The following ANKFN1 variants were observed in gnomAD, a reference collection of about 807,000 sequenced individuals.
The protein encoded by ANKFN1 is ankyrin repeat and fibronectin type-III domain-containing protein 1.
A neutral mutation model predicts 108.7 loss-of-function variants in ANKFN1; 74 were observed. The ratio of observed to expected loss-of-function variants is 0.68; its 90% CI spans 0.56 to 0.83. ANKFN1 has a LOEUF of 0.83. Among genes scored for constraint, ANKFN1 ranks in the 40% least tolerant of loss-of-function variants. The probability of loss-of-function intolerance (pLI) is 0.00; values close to 1 mark genes in which losing one functional copy is unlikely to be tolerated. For synonymous variants in ANKFN1, 547 were observed against 516.2 expected, an observed-to-expected ratio of 1.06 and a Z score of -0.81; for missense variants, 1,505 against 1,382.3, an observed-to-expected ratio of 1.09 and a Z score of -1.41.
chr17:56,314,644 G>A (rs551878899), intron 3 of ANKFN1, among the ~76,000 whole-genome samples: 1 of 152,256 alleles, frequency 6.6e-6, no homozygotes, highest in African/African-American at 2.4e-5. Flanking sequence ...AGTGGCCAAA[G>A]ACTGCAAAGA....
intron 8 of ANKFN1, among the ~76,000 whole-genome samples, chr17:56,384,726 C>T (rs1185737541): frequency 1.3e-5 from 2 of 152,066 alleles, no homozygotes; most frequent in African/African-American, 4.8e-5. Context: ...ACAATTGCTT[C>T]AAAGAGAATA....
At chr17:56,409,570 A>G (rs953014689) in intron 8 of ANKFN1, among the ~76,000 whole-genome samples, 4 of 152,178 alleles carry the variant, frequency 2.6e-5, no homozygotes, top group Admixed American at 1.3e-4. Flanking sequence ...TAAAGCCATC[A>G]AAATTAATCC....
chr17:56,305,271 C>T (rs551009558), intron 3 of ANKFN1, among the ~76,000 whole-genome samples: 67 of 152,336 alleles, frequency 4.4e-4, no homozygotes, highest in African/African-American at 1.6e-3. Context: ...TCCCATGACA[C>T]ATGGTGATTA....
chr17:56,290,408 A>G (rs1297808909), intron 3 of ANKFN1, among the ~76,000 whole-genome samples: 2 of 152,228 alleles, frequency 1.3e-5, no homozygotes, highest in Non-Finnish European at 2.9e-5. Context: ...ATAGAATTGT[A>G]AGGGTTCTTA....
At chr17:56,282,346 C>A (rs1446939194) in intron 3 of ANKFN1, among the ~76,000 whole-genome samples, 1 of 151,472 alleles carries the variant, frequency 6.6e-6, no homozygotes, top group Non-Finnish European at 1.5e-5. Context: ...ATAGACTAGA[C>A]CTCTCTGGGG....
intron 3 of ANKFN1, among the ~76,000 whole-genome samples, chr17:56,243,769 G>A (rs759274668): frequency 1.3e-5 from 2 of 151,926 alleles, no homozygotes; most frequent in Non-Finnish European, 2.9e-5. Flanking sequence ...ATGTATACAC[G>A]CACACATACA....
intron 3 of ANKFN1, among the ~76,000 whole-genome samples, chr17:56,264,611 G>A (rs566310307): frequency 3.3e-5 from 5 of 152,188 alleles, no homozygotes; most frequent in Admixed American, 2.0e-4. Context: ...CAGGAATAAC[G>A]AATAACAAGA....
At chr17:56,248,284 C>T (rs2043161171) in intron 3 of ANKFN1, among the ~76,000 whole-genome samples, 1 of 152,158 alleles carries the variant, frequency 6.6e-6, no homozygotes, top group Admixed American at 6.5e-5. Flanking sequence ...AGCCTTGGTG[C>T]ATGCACCTGC....
intron 6 of ANKFN1, among the ~76,000 whole-genome samples, chr17:56,371,692 A>C (rs139082962): frequency 6.6e-6 from 1 of 152,150 alleles, no homozygotes; most frequent in Non-Finnish European, 1.5e-5. Flanking sequence ...GGGGCTCTGA[A>C]GTGACCAAGT....
At chr17:56,160,785 GA>G (rs1391257045) in intron 1 of ANKFN1, among the ~76,000 whole-genome samples, 1 of 152,170 alleles carries the variant, frequency 6.6e-6, no homozygotes. Flanking sequence ...TCTTGGTAGA[GA>G]CTGCTGCCAA....
chr17:56,296,925 A>G (rs747635281), intron 3 of ANKFN1, among the ~76,000 whole-genome samples: 7 of 152,172 alleles, frequency 4.6e-5, no homozygotes, highest in Non-Finnish European at 8.8e-5. Context: ...ATCACTGTTC[A>G]AGCAACACTT....
chr17:56,359,195 A>G (rs937471463), intron 6 of ANKFN1, among the ~76,000 whole-genome samples: 5 of 152,206 alleles, frequency 3.3e-5, no homozygotes, highest in Non-Finnish European at 7.3e-5. Context: ...GTCAAGTCTT[A>G]GTGTGCACAT....
At chr17:56,499,560 C>T (rs541382924) in intron 20 of ANKFN1, among the ~76,000 whole-genome samples, 26 of 152,198 alleles carry the variant, frequency 1.7e-4, no homozygotes, top group African/African-American at 6.0e-4. Flanking sequence ...AACTTCCCAT[C>T]CATATAGCAC....
chr17:56,378,661 G>A (rs1219964583), intron 8 of ANKFN1, among the ~76,000 whole-genome samples: 1 of 152,196 alleles, frequency 6.6e-6, no homozygotes, highest in Non-Finnish European at 1.5e-5. Context: ...AAAGAGAGGT[G>A]GGGAGGAGGC....
intron 8 of ANKFN1, among the ~76,000 whole-genome samples, chr17:56,397,953 T>C (rs980840369): frequency 1.3e-5 from 2 of 152,164 alleles, no homozygotes; most frequent in Non-Finnish European, 2.9e-5. Flanking sequence ...CAGAGATGCC[T>C]ATGGCCTATG....
chr17:56,402,600 T>G (rs559933211), intron 8 of ANKFN1, among the ~76,000 whole-genome samples: 1 of 152,330 alleles, frequency 6.6e-6, no homozygotes, highest in Admixed American at 6.5e-5. Flanking sequence ...TTAATCTTGC[T>G]AATAGTCCAT....
In ANKFN1 at chr17:56,204,425, C is replaced by A. The variant is rs191150762; in HGVS notation, c.-70-8173C>A. The stretch of plus-strand genomic sequence containing the variant: ...GCATGATCTCAATTCACTGCAACTT[C>A]TGCCTCCTAGGTTCAAGTAATTCTC... On this transcript the variant is annotated intron_variant, in intron 1 of 20. Transcript: ENST00000682825. Among the ~76,000 whole-genome samples the A allele has an allele frequency of 3.1e-3, 471 of 152,212 alleles. 1 individual carries two copies. The highest frequency in any genetic ancestry group is 5.3e-3 in the Non-Finnish European group (359 of 68,014).
chr17:56,396,682 A>G (rs1483366714), intron 8 of ANKFN1, among the ~76,000 whole-genome samples: 1 of 152,136 alleles, frequency 6.6e-6, no homozygotes, highest in East Asian at 1.9e-4. Flanking sequence ...CTTTATAGGC[A>G]TTGCTTCTTC....
chr17:56,098,208 C>G (rs1905569535), intron 4 of ANKFN1, among the ~76,000 whole-genome samples: 1 of 152,126 alleles, frequency 6.6e-6, no homozygotes, highest in Non-Finnish European at 1.5e-5. Flanking sequence ...GAGGATGGCC[C>G]TACTGAAGTC....
Sources: allele counts gnomAD v4.1 joint callset (sites outside exome capture counted in the v4.1 genomes callset), GRCh38; gene constraint gnomAD v4.1.1; transcripts MANE v1.5; gene names NCBI Gene and HGNC (gene_info 2026-07-23, HGNC 2026-07-21).